The following TREML2 variants were observed in gnomAD, a reference collection of about 807,000 sequenced individuals.
TREML2 encodes the protein trem-like transcript 2 protein.
In TREML2, 24 loss-of-function variants were observed where a neutral mutation model predicts 25.9. The observed-to-expected ratio is 0.93, with a 90% CI of 0.67 to 1.30. The LOEUF (loss-of-function observed/expected upper bound fraction) is 1.30. Among genes scored for constraint, TREML2 ranks in the 50% most tolerant of loss-of-function variants. The probability of loss-of-function intolerance (pLI) is 0.00; values close to 1 mark genes in which losing one functional copy is unlikely to be tolerated. For synonymous variants in TREML2, 139 were observed against 155.2 expected, an observed-to-expected ratio of 0.90 and a Z score of 0.77; for missense variants, 359 against 395.6, an observed-to-expected ratio of 0.91 and a Z score of 0.78.
chr6:41,192,466 AG>A lies in TREML2; in HGVS notation c.926del (p.Pro309LeufsTer12). The stretch of plus-strand genomic sequence containing the variant: ...CTTCCACATAGGGCTCTGGTCTTCC[AG>A]GTGGGTCACGTGTAGAAGGATCGCT... ...MCSDPSTRDP[P>X]GRPEPYVEVY... On this transcript the variant is annotated frameshift_variant, in exon 5 of 5. Transcript: ENST00000483722. LOFTEE classifies it high-confidence loss of function. 6.2e-7 allele frequency: 1 copy of A among 1,614,040 alleles called. No homozygotes were observed. The highest frequency in any genetic ancestry group is 8.5e-7 in the Non-Finnish European group (1 of 1,179,958).
intron 1 of TREML2, among the ~76,000 whole-genome samples, chr6:41,200,081 A>T (rs1008753734): frequency 6.6e-6 from 1 of 152,208 alleles, no homozygotes; most frequent in African/African-American, 2.4e-5. Context: ...CTGTCCCACC[A>T]GAATCCAGGA....
rs182197214 is a variant in TREML2 at position 41,192,354 on chromosome 6, C to T, written c.*73G>A. On this transcript the variant is annotated 3_prime_UTR_variant, in exon 5 of 5. Coordinates refer to ENST00000483722, the MANE Select transcript of TREML2 (RefSeq NM_024807.4). ...CCAGCTTCATAAGATCGATACTGGCCCCAATCTTCACCCCTCCTCTAACCC... is the reference window on the plus strand; with the variant it reads ...CCAGCTTCATAAGATCGATACTGGCTCCAATCTTCACCCCTCCTCTAACCC... 8.2e-5 allele frequency: 99 copies of T among 1,207,750 alleles called. No individual in the cohort carries two copies. In the East Asian group the frequency reaches 2.3e-3, roughly 28 times the overall value. The allele number at this position is 1,207,750 out of a possible 1,614,324, so 74.8% of individuals were successfully genotyped here. A position where few individuals can be genotyped will look rare whatever the true frequency, so the allele number is the denominator to read the frequency against.
chr6:41,196,399 A>G (rs956431500), intron 2 of TREML2, among the ~76,000 whole-genome samples: 2 of 152,168 alleles, frequency 1.3e-5, no homozygotes, highest in Non-Finnish European at 2.9e-5. Flanking sequence ...AAATTGCATA[A>G]TAACTGGCTG....
intron 3 of TREML2, 93 bp from the exon 4 acceptor site, chr6:41,192,994 G>A (rs981705334): frequency 6.6e-6 from 7 of 1,054,832 alleles, no homozygotes; most frequent in African/African-American, 4.9e-5. Flanking sequence ...AACCCTGAGA[G>A]CGTGCCCTTC....
intron 2 of TREML2, among the ~76,000 whole-genome samples, chr6:41,196,981 G>A (rs1387792488): frequency 6.6e-6 from 1 of 152,074 alleles, no homozygotes; most frequent in Non-Finnish European, 1.5e-5. Flanking sequence ...GCTATCAATG[G>A]TACCATCATC....
intron 2 of TREML2, among the ~76,000 whole-genome samples, chr6:41,196,474 C>T (rs552905442): frequency 1.5e-4 from 23 of 152,288 alleles, no homozygotes; most frequent in Admixed American, 1.2e-3. Context: ...AAGGACCCCA[C>T]GGCTTGGTGC....
rs1006427760 is a variant in TREML2 at position 41,191,006 on chromosome 6, C to G, written c.*1421G>C. 2.6e-5 allele frequency: 4 copies of G among 152,600 alleles called. No individual in the cohort carries two copies. The highest frequency in any genetic ancestry group is 5.9e-5 in the Non-Finnish European group (4 of 68,374). 9.5% of individuals were successfully genotyped at this position (152,600 alleles called of 1,614,324 possible). A position where few individuals can be genotyped will look rare whatever the true frequency, so the allele number is the denominator to read the frequency against. On this transcript the variant is annotated 3_prime_UTR_variant, in exon 5 of 5. Coordinates refer to ENST00000483722, the MANE Select transcript of TREML2 (RefSeq NM_024807.4). ...CCCCCAGGATTACTCCCTGCCTCTT[C>G]CACTCTCCCCACATCCATCCTGAAG...
chr6:41,194,871 G>T (rs551450784), intron 2 of TREML2, 38 bp from the exon 3 acceptor site: 1 of 1,533,968 alleles, frequency 6.5e-7, no homozygotes, highest in South Asian at 1.3e-5. Context: ...GATTGACTTG[G>T]GTGCCTCAGT....
chr6:41,190,758 C>A lies in TREML2; in HGVS notation c.*1669G>T, dbSNP rs950878178. 6.6e-6 allele frequency: 1 copy of A among 152,210 alleles called. No individual in the cohort carries two copies. The highest frequency in any genetic ancestry group is 2.4e-5 in the African/African-American group (1 of 41,424). The allele number at this position is 152,210 out of a possible 1,614,324, so 9.4% of individuals were successfully genotyped here. ...TTCCCCCAGGTGGGTTAAGTTCTCT[C>A]CTAGTATACAACAGGATGGTGGCTA... On this transcript the variant is annotated 3_prime_UTR_variant, in exon 5 of 5. Coordinates refer to ENST00000483722, the MANE Select transcript of TREML2 (RefSeq NM_024807.4).
chr6:41,199,195 A>G (rs1227162966), intron 1 of TREML2, among the ~76,000 whole-genome samples: 1 of 152,202 alleles, frequency 6.6e-6, no homozygotes, highest in Non-Finnish European at 1.5e-5. Context: ...AACCCAGGTC[A>G]TGCCCTCAGT....
At chr6:41,193,939 C>T (rs575217943) in intron 3 of TREML2, among the ~76,000 whole-genome samples, 10 of 125,428 alleles carry the variant, frequency 8.0e-5, no homozygotes, top group Admixed American at 1.6e-4. Flanking sequence ...CTAATGCCCC[C>T]GACTCTCATA....
intron 3 of TREML2, among the ~76,000 whole-genome samples, chr6:41,193,744 A>C (rs6929995): frequency 0.44 from 66,090 of 149,934 alleles, 15,301 homozygotes; most frequent in African/African-American, 0.6. Context: ...ACACTTCAGG[A>C]CACCCATCCC....
intron 4 of TREML2, 65 bp from the exon 5 acceptor site, chr6:41,192,571 A>G (rs1582095260): frequency 2.0e-6 from 3 of 1,481,828 alleles, no homozygotes; most frequent in Non-Finnish European, 2.8e-6. Flanking sequence ...ATGCTCCTCC[A>G]CCAGCCCCAG....
rs1766054039 is a variant in TREML2 at position 41,191,177 on chromosome 6, G to GTGTGTGTA, written c.*1249_*1250insTACACACA. ...TCCAGGTCAGTAGACACCTGTGTGT[G>GTGTGTGTA]TGTGTGTGTGTGTGTGTGTGTGTGT... is the stretch of plus-strand genomic sequence containing the variant. On this transcript the variant is annotated 3_prime_UTR_variant, in exon 5 of 5. Coordinates refer to ENST00000483722, the MANE Select transcript of TREML2 (RefSeq NM_024807.4). 1 of 129,000 alleles carries GTGTGTGTA rather than the reference G, an allele frequency of 7.8e-6. No homozygotes were observed. The highest frequency in any genetic ancestry group is 3.0e-5 in the African/African-American group (1 of 33,794). The allele number at this position is 129,000 out of a possible 1,614,324, so 8.0% of individuals were successfully genotyped here. A position where few individuals can be genotyped will look rare whatever the true frequency, so the allele number is the denominator to read the frequency against.
chr6:41,196,738 C>T (rs1766173491), intron 2 of TREML2, among the ~76,000 whole-genome samples: 1 of 152,176 alleles, frequency 6.6e-6, no homozygotes, highest in African/African-American at 2.4e-5. Flanking sequence ...CACTAATCTA[C>T]TTTCTGTGTC....
rs1285953772 is a variant in TREML2 at position 41,192,243 on chromosome 6, A to G, written c.*184T>C. 2.5e-5 allele frequency: 15 copies of G among 600,522 alleles called. No individual in the cohort carries two copies. Among genetic ancestry groups the G allele is most frequent in the Non-Finnish European group, 4.5e-5 (15 of 334,138 alleles). The allele number at this position is 600,522 out of a possible 1,614,324, so 37.2% of individuals were successfully genotyped here. ...GCCCCTCCCCAGGTTCCTGCCCCCAAGGAGAACACTGGGCTGTGGGGCTGC... is the reference window on the plus strand; with the variant it reads ...GCCCCTCCCCAGGTTCCTGCCCCCAGGGAGAACACTGGGCTGTGGGGCTGC... On this transcript the variant is annotated 3_prime_UTR_variant, in exon 5 of 5. Coordinates refer to ENST00000483722, the MANE Select transcript of TREML2 (RefSeq NM_024807.4).
In TREML2 at chr6:41,200,970, T is replaced by A. The variant is rs1458187645; in HGVS notation, c.39A>T (p.Pro13=). Residue 13 remains proline (P), a synonymous_variant, in exon 1 of 5, where the codon CCA becomes CCT. Coordinates refer to ENST00000483722, the MANE Select transcript of TREML2 (RefSeq NM_024807.4). ...TCCCCTCACCTGAGACGCAACCCTG[T>A]GGCCACAGCAGCAGCAGCAGCAGGA... ...PAFLLLLLLW[P]QGCVSGPSAD... is the part of the protein sequence containing the mutation. 9 of 1,580,460 alleles carry A rather than the reference T, an allele frequency of 5.7e-6. No homozygotes were observed. The highest frequency in any genetic ancestry group is 7.7e-6 in the Non-Finnish European group (9 of 1,163,202).
In TREML2 at chr6:41,194,790, G is replaced by A. The variant is rs1766130415; in HGVS notation, c.420C>T (p.Asn140=). ...TTGTGACAGTTCCACTCTTGAGGAT[G>A]TTGTCCAGATGTGTGAAAGGAATGT... is the stretch of plus-strand genomic sequence containing the variant. ...ERNIPFTHLD[N]ILKSGTVTTG... is the part of the protein sequence containing the mutation. The change falls in exon 3 of 5, where the codon AAC becomes AAT. Residue 140 remains asparagine, a synonymous_variant. Coordinates refer to ENST00000483722, the MANE Select transcript of TREML2 (RefSeq NM_024807.4). The A allele has an allele frequency of 6.2e-7, 1 of 1,602,912 alleles. No homozygotes were observed. Among genetic ancestry groups the A allele is most frequent in the East Asian group, 2.2e-5 (1 of 44,762 alleles).
chr6:41,193,618 C>A (rs896056301), intron 3 of TREML2, among the ~76,000 whole-genome samples: 49 of 151,986 alleles, frequency 3.2e-4, no homozygotes, highest in African/African-American at 1.2e-3. Flanking sequence ...ACGCAAATCC[C>A]TGACTCAGAG....
Sources: gnomAD v4.1 joint callset for allele counts (sites outside exome capture counted in the v4.1 genomes callset) on GRCh38, gnomAD v4.1.1 for gene constraint, MANE v1.5 for transcripts, NCBI Gene and HGNC (gene_info 2026-07-23, HGNC 2026-07-21) for gene names.